Variants in ARHGAP5 observed in about 807,000 individuals in gnomAD.
ARHGAP5 encodes the protein rho GTPase-activating protein 5.
A neutral mutation model predicts 116.6 loss-of-function variants in ARHGAP5; 23 were observed. The observed-to-expected ratio is 0.20, with a 90% CI of 0.14 to 0.28. The LOEUF (loss-of-function observed/expected upper bound fraction) is 0.28, where lower values mean the gene tolerates loss of function less well. Among genes scored for constraint, ARHGAP5 ranks in the 10% least tolerant of loss-of-function variants. The probability of loss-of-function intolerance (pLI) is 1.00; values close to 1 mark genes in which losing one functional copy is unlikely to be tolerated. For missense variants in ARHGAP5, 1,405 were observed against 1,774.8 expected (o/e 0.79, Z 3.74); for synonymous variants, 574 against 602.0 (o/e 0.95, Z 0.68).
At chr14:32,110,888 A>G (rs1424523757) in intron 2 of ARHGAP5, among the ~76,000 whole-genome samples, 1 of 152,228 alleles carries the variant, frequency 6.6e-6, no homozygotes, top group Non-Finnish European at 1.5e-5. Context: ...TTGTATTCCA[A>G]GCAACTGAAA....
chr14:32,139,208 G>T (rs917583476), intron 3 of ARHGAP5, among the ~76,000 whole-genome samples: 4 of 151,974 alleles, frequency 2.6e-5, no homozygotes, highest in Non-Finnish European at 4.4e-5. Context: ...TTTTAATCTG[G>T]CTATGGGGCA....
chr14:32,141,701 C>T (rs914478105), intron 3 of ARHGAP5, among the ~76,000 whole-genome samples: 1 of 152,120 alleles, frequency 6.6e-6, no homozygotes, highest in Non-Finnish European at 1.5e-5. Context: ...ATACTAGTGA[C>T]AATCTCTCTC....
chr14:32,106,094 A>C (rs980894193), intron 2 of ARHGAP5, among the ~76,000 whole-genome samples: 1 of 152,150 alleles, frequency 6.6e-6, no homozygotes, highest in African/African-American at 2.4e-5. Flanking sequence ...AGAAACTGCC[A>C]AACTGTTTTC....
intron 6 of ARHGAP5, among the ~76,000 whole-genome samples, chr14:32,152,995 A>G (rs1393679251): frequency 6.6e-6 from 1 of 151,680 alleles, no homozygotes; most frequent in African/African-American, 2.4e-5. Context: ...AATTTTTTGA[A>G]AAGTCTCCTC....
intron 2 of ARHGAP5, among the ~76,000 whole-genome samples, chr14:32,111,554 T>C (rs141701861): frequency 6.6e-6 from 1 of 152,262 alleles, no homozygotes; most frequent in African/African-American, 2.4e-5. Flanking sequence ...AGGAGAGGAA[T>C]TGGCGACATC....
intron 3 of ARHGAP5, among the ~76,000 whole-genome samples, chr14:32,145,270 A>C (rs937797322): frequency 2.0e-5 from 3 of 152,220 alleles, no homozygotes; most frequent in Non-Finnish European, 4.4e-5. Flanking sequence ...CAGAAAGGGT[A>C]AAGAACTCCT....
Position 32,157,127 on chromosome 14 carries a change from A to G in ARHGAP5, c.*2179A>G, listed in dbSNP as rs1045599170. 6.6e-6 allele frequency: 1 copy of G among 152,194 alleles called. No individual in the cohort carries two copies. The highest frequency in any genetic ancestry group is 1.5e-5 in the Non-Finnish European group (1 of 67,760). 9.4% of individuals were successfully genotyped at this position (152,194 alleles called of 1,614,324 possible). A position where few individuals can be genotyped will look rare whatever the true frequency, so the allele number is the denominator to read the frequency against. On this transcript the variant is annotated 3_prime_UTR_variant, in exon 7 of 7. Transcript: ENST00000345122. ...ATGCATTCTATCATTGATTTGACAC[A>G]CTTCATAGTGAGTCATTTAAATACT...
At chr14:32,095,414 T>TG (rs1251507365) in intron 2 of ARHGAP5, among the ~76,000 whole-genome samples, 7 of 149,212 alleles carry the variant, frequency 4.7e-5, no homozygotes, top group African/African-American at 1.8e-4. Context: ...TTTTTTTTTT[T>TG]TGTTTTTTTT....
Position 32,090,643 on chromosome 14 carries a change from T to A in ARHGAP5, c.-27T>A, listed in dbSNP as rs1878194824. 1 of 1,531,012 alleles carries A rather than the reference T, an allele frequency of 6.5e-7. No homozygotes were observed. Among genetic ancestry groups the A allele is most frequent in the Admixed American group, 2.2e-5 (1 of 46,376 alleles). 94.8% of individuals were successfully genotyped at this position (1,531,012 alleles called of 1,614,324 possible). A position where few individuals can be genotyped will look rare whatever the true frequency, so the allele number is the denominator to read the frequency against. ...TGAGAAGCATATCTGGTTACCTTTA[T>A]GAATGTAGAGACATGAGAAGAGAGT... On this transcript the variant is annotated 5_prime_UTR_variant, in exon 2 of 7. An upstream start codon of the reference 5' UTR is lost. Coordinates refer to ENST00000345122, the MANE Select transcript of ARHGAP5 (RefSeq NM_001030055.2).
intron 5 of ARHGAP5, among the ~76,000 whole-genome samples, chr14:32,150,650 G>A (rs1027360227): frequency 6.6e-6 from 1 of 152,154 alleles, no homozygotes; most frequent in Non-Finnish European, 1.5e-5. Context: ...AGATAACAGC[G>A]TTAATCTGTT....
At chr14:32,112,865 C>T (rs567437440) in intron 2 of ARHGAP5, among the ~76,000 whole-genome samples, 206 of 150,542 alleles carry the variant, frequency 1.4e-3, no homozygotes, top group African/African-American at 4.7e-3. Flanking sequence ...AACAAGACTC[C>T]GCCTCAAAAA....
chr14:32,148,939 T>C (rs115454085), intron 4 of ARHGAP5, among the ~76,000 whole-genome samples: 4,363 of 152,222 alleles, frequency 0.029, 202 homozygotes, highest in African/African-American at 0.098. Context: ...TTTAAACCAT[T>C]TTACATAAAA....
chr14:32,118,446 G>A (rs138477048), intron 3 of ARHGAP5, among the ~76,000 whole-genome samples: 204 of 151,880 alleles, frequency 1.3e-3, no homozygotes, highest in African/African-American at 1.5e-3. Flanking sequence ...GCAGTGAGCC[G>A]AGATCATGCC....
At chr14:32,121,289 A>G (rs1408967908) in intron 3 of ARHGAP5, among the ~76,000 whole-genome samples, 4 of 152,118 alleles carry the variant, frequency 2.6e-5, no homozygotes, top group Admixed American at 6.5e-5. Context: ...TTTGCCTAGT[A>G]TTAATATAGC....
intron 3 of ARHGAP5, among the ~76,000 whole-genome samples, chr14:32,140,397 C>T (rs1375105950): frequency 8.0e-5 from 12 of 150,834 alleles, no homozygotes; most frequent in Admixed American, 2.0e-4. Flanking sequence ...CTGGCTAACA[C>T]GGTGAAACCC....
At chr14:32,123,638 T>C (rs1880001009) in intron 3 of ARHGAP5, among the ~76,000 whole-genome samples, 1 of 152,172 alleles carries the variant, frequency 6.6e-6, no homozygotes, top group South Asian at 2.1e-4. Context: ...TATTTAGTCT[T>C]CTGAATTTTT....
At chr14:32,096,625 G>A (rs924995755) in intron 2 of ARHGAP5, among the ~76,000 whole-genome samples, 3 of 152,286 alleles carry the variant, frequency 2.0e-5, no homozygotes, top group Middle Eastern at 3.4e-3. Flanking sequence ...AAACAAATAT[G>A]CTTCAAATAA....
At chr14:32,119,043 T>C (rs1351914744) in intron 3 of ARHGAP5, among the ~76,000 whole-genome samples, 5 of 152,094 alleles carry the variant, frequency 3.3e-5, no homozygotes, top group Non-Finnish European at 7.4e-5. Flanking sequence ...AGTGCTTTGG[T>C]AGAAAGATAA....
chr14:32,115,776 C>T (rs1435477977), intron 2 of ARHGAP5, among the ~76,000 whole-genome samples: 1 of 149,434 alleles, frequency 6.7e-6, no homozygotes, highest in African/African-American at 2.5e-5. Context: ...TCGAGACTAG[C>T]CTGGCCAACA....
Sources: allele counts gnomAD v4.1 joint callset (sites outside exome capture counted in the v4.1 genomes callset), GRCh38; gene constraint gnomAD v4.1.1; transcripts MANE v1.5; gene names NCBI Gene and HGNC (gene_info 2026-07-23, HGNC 2026-07-21).